CACHD1: variants seen among roughly 807,000 people sequenced by gnomAD.
The protein encoded by CACHD1 is VWFA and cache domain-containing protein 1.
A neutral mutation model predicts 138.7 loss-of-function variants in CACHD1; 71 were observed. That is an observed-to-expected ratio of 0.51 (90% confidence interval 0.42 to 0.62). CACHD1 has a LOEUF of 0.62. Ranked by LOEUF, CACHD1 falls within the 20% of genes least tolerant of loss-of-function variation. CACHD1 has a pLI of 0.00. For synonymous variants in CACHD1, 578 were observed against 591.5 expected (o/e 0.98, Z 0.33); for missense variants, 1,389 against 1,625.3 (o/e 0.85, Z 2.50).
At chr1:64,577,699 C>T (rs776340670) in intron 2 of CACHD1, among the ~76,000 whole-genome samples, 5 of 152,158 alleles carry the variant, frequency 3.3e-5, no homozygotes, top group Non-Finnish European at 7.3e-5. Context: ...ACATAGTTGG[C>T]ACTCAGCAGA....
At chr1:64,507,799 TTGAG>T (rs1646388949) in intron 1 of CACHD1, among the ~76,000 whole-genome samples, 1 of 152,228 alleles carries the variant, frequency 6.6e-6, no homozygotes, top group South Asian at 2.1e-4. Context: ...GTCAGAAGAC[TTGAG>T]TTCAAACCAC....
At chr1:64,515,163 T>G (rs1646449660) in intron 1 of CACHD1, among the ~76,000 whole-genome samples, 1 of 152,226 alleles carries the variant, frequency 6.6e-6, no homozygotes, top group Non-Finnish European at 1.5e-5. Context: ...TGGTATTAAT[T>G]CTTAGATTTT....
chr1:64,607,640 TA>T (rs1355975380), intron 4 of CACHD1, among the ~76,000 whole-genome samples: 1 of 152,192 alleles, frequency 6.6e-6, no homozygotes, highest in African/African-American at 2.4e-5. Flanking sequence ...AGAAGATTGC[TA>T]GAGCTTTTTC....
rs542226428 is a variant in CACHD1 at position 64,498,059 on chromosome 1, G to A, written c.198+27117G>A. ...GGAGAATTGCTTGAACCCAGGAGGC[G>A]GAGGTTGCAGTGAGCTGAGATCGTG... On this transcript the variant is annotated intron_variant, in intron 1 of 26. Coordinates refer to ENST00000651257, the MANE Select transcript of CACHD1 (RefSeq NM_020925.4). 1.4e-4 allele frequency among the ~76,000 whole-genome samples: 22 copies of A among 152,296 alleles called. No homozygotes were observed. In the South Asian group the frequency reaches 3.3e-3, roughly 23 times the overall value.
rs1553130301 is a variant in CACHD1 at position 64,533,740 on chromosome 1, T to TTCTCTC, written c.199-16850_199-16845dup. Among the ~76,000 whole-genome samples the TTCTCTC allele has an allele frequency of 2.7e-3, 351 of 129,610 alleles. 4 individuals are homozygous for TTCTCTC. Among genetic ancestry groups the TTCTCTC allele is most frequent in the African/African-American group, 4.6e-3 (144 of 31,544 alleles). The allele number at this position is 129,610 out of a possible 152,430, so 85.0% of individuals were successfully genotyped here. ...AAATTGAATAATAGATATCTTTTTC[T>TTCTCTC]TCTCTCTCTTTTTTTTTTTTTTTTT... is the stretch of plus-strand genomic sequence containing the variant. On this transcript the variant is annotated intron_variant, in intron 1 of 26. Transcript: ENST00000651257.
chr1:64,632,691 T>A lies in CACHD1; in HGVS notation c.737T>A (p.Ile246Asn). 1.2e-6 allele frequency: 2 copies of A among 1,614,144 alleles called. No homozygotes were observed. The highest frequency in any genetic ancestry group is 4.5e-5 in the East Asian group (2 of 44,868). ...TCAGTCACAGACACTCAGCTTCAGATTGCCAAGGACGCTGCTCAGGTCATC... is the reference window on the plus strand; with the variant it reads ...TCAGTCACAGACACTCAGCTTCAGAATGCCAAGGACGCTGCTCAGGTCATC... Reference protein sequence around the residue: ...GASVTDTQLQIAKDAAQVILS... With the variant: ...GASVTDTQLQNAKDAAQVILS... Residue 246 changes from isoleucine to asparagine, a missense_variant, in exon 6 of 27, where the codon ATT becomes AAT. Physicochemically the swap from Ile to Asn is moderately radical, Grantham distance 149. Transcript: ENST00000651257.
At chr1:64,616,071 A>T (rs1647697346) in intron 4 of CACHD1, among the ~76,000 whole-genome samples, 1 of 152,172 alleles carries the variant, frequency 6.6e-6, no homozygotes, top group Non-Finnish European at 1.5e-5. Context: ...ATTGCTTAAG[A>T]TGAAGAGATG....
intron 19 of CACHD1, among the ~76,000 whole-genome samples, chr1:64,674,282 A>T (rs1274424350): frequency 6.6e-6 from 1 of 152,196 alleles, no homozygotes; most frequent in Non-Finnish European, 1.5e-5. Context: ...AGTCATTATT[A>T]CCCTGTTCAG....
intron 7 of CACHD1, among the ~76,000 whole-genome samples, chr1:64,637,432 T>C (rs1000474570): frequency 1.3e-5 from 2 of 152,236 alleles, no homozygotes; most frequent in African/African-American, 4.8e-5. Flanking sequence ...GCCAGAAATC[T>C]GGATTTTCAT....
At chr1:64,567,236 G>A (rs942019653) in intron 2 of CACHD1, among the ~76,000 whole-genome samples, 1 of 152,052 alleles carries the variant, frequency 6.6e-6, no homozygotes, top group African/African-American at 2.4e-5. Flanking sequence ...CAAGGACGTT[G>A]TTAAATTGCA....
intron 7 of CACHD1, among the ~76,000 whole-genome samples, chr1:64,634,595 G>C (rs75273233): frequency 0.015 from 2,290 of 152,036 alleles, 57 homozygotes; most frequent in African/African-American, 0.053. Context: ...GCTGAGACCT[G>C]TCTGATCTCA....
chr1:64,649,945 C>A (rs958469346), intron 9 of CACHD1, among the ~76,000 whole-genome samples: 1 of 152,166 alleles, frequency 6.6e-6, no homozygotes, highest in African/African-American at 2.4e-5. Context: ...GTGCCACATC[C>A]TCTGACTCCA....
intron 1 of CACHD1, among the ~76,000 whole-genome samples, chr1:64,515,707 A>G (rs1265055560): frequency 6.6e-6 from 1 of 152,174 alleles, no homozygotes; most frequent in Non-Finnish European, 1.5e-5. Flanking sequence ...GTAATGTAAA[A>G]TTAATGTATG....
At chr1:64,576,809 CA>C (rs1646971648) in intron 2 of CACHD1, among the ~76,000 whole-genome samples, 1 of 151,974 alleles carries the variant, frequency 6.6e-6, no homozygotes, top group Non-Finnish European at 1.5e-5. Context: ...GGCAAACCAA[CA>C]AAAACCCCTT....
rs2100244871 is a variant in CACHD1 at position 64,470,480 on chromosome 1, C to A, written c.-265C>A. Among the ~76,000 whole-genome samples, 1 of 151,376 alleles carries A rather than the reference C, an allele frequency of 6.6e-6. No homozygotes were observed. The highest frequency in any genetic ancestry group is 3.4e-3 in the Middle Eastern group (1 of 290). On this transcript the variant is annotated 5_prime_UTR_variant, in exon 1 of 27. Transcript: ENST00000651257. This position sits in a 1 kb window ranked among gnomAD's most constrained non-coding sequence, Gnocchi z 5.2. ...GAGACGCCCTCTGCGCCGCGGGGCC[C>A]GTGTGGGCGCCGGGCTCCGGGGACC... is the stretch of plus-strand genomic sequence containing the variant.
At chr1:64,507,229 G>C (rs1646384281) in intron 1 of CACHD1, among the ~76,000 whole-genome samples, 1 of 152,160 alleles carries the variant, frequency 6.6e-6, no homozygotes, top group Admixed American at 6.5e-5. Context: ...AGCTAGAAAG[G>C]GTTCCTTTTA....
chr1:64,608,976 C>T (rs182072952), intron 4 of CACHD1, among the ~76,000 whole-genome samples: 48 of 152,248 alleles, frequency 3.2e-4, no homozygotes, highest in African/African-American at 1.1e-3. Flanking sequence ...CATTTGAAGT[C>T]GCAAACTTCG....
At position 64,675,050 on chromosome 1, in the gene CACHD1, T is replaced by A. The variant is rs900461028; in HGVS notation, c.2728-351T>A. 2.6e-5 allele frequency among the ~76,000 whole-genome samples: 4 copies of A among 152,220 alleles called. 1 individual carries two copies. The highest frequency in any genetic ancestry group is 9.6e-5 in the African/African-American group (4 of 41,472). On this transcript the variant is annotated intron_variant, in intron 19 of 26. Coordinates refer to ENST00000651257, the MANE Select transcript of CACHD1 (RefSeq NM_020925.4). ...AATAAATTTTAAACTATTCCTTCCC[T>A]GAAAATTGTCTTTTATTGCTTCTTG...
chr1:64,475,171 CTTTTTTTT>C (rs3078373), intron 1 of CACHD1, among the ~76,000 whole-genome samples: 5 of 124,286 alleles, frequency 4.0e-5, no homozygotes, highest in South Asian at 2.7e-4. Context: ...AAATTCCTTC[CTTTTTTTT>C]TTTTTTTTTT....
Sources: allele counts gnomAD v4.1 joint callset (sites outside exome capture counted in the v4.1 genomes callset), GRCh38; gene constraint gnomAD v4.1.1; non-coding constraint Gnocchi (gnomAD v3.1); transcripts MANE v1.5; gene names NCBI Gene and HGNC (gene_info 2026-07-23, HGNC 2026-07-21).